The following ANXA6 variants were observed in gnomAD, a reference collection of about 807,000 sequenced individuals.
The protein encoded by ANXA6 is annexin A6.
Under a neutral mutation model 95.4 loss-of-function variants are expected in ANXA6, and 71 were observed. That is an observed-to-expected ratio of 0.74 (90% confidence interval 0.61 to 0.91). ANXA6 has a LOEUF of 0.91. ANXA6 is among the 40% of genes least tolerant of loss of function. The pLI is 0.00. For missense variants in ANXA6, 830 were observed against 876.4 expected, an observed-to-expected ratio of 0.95 and a Z score of 0.67; for synonymous variants, 289 against 315.9, an observed-to-expected ratio of 0.91 and a Z score of 0.90.
Position 151,108,275 on chromosome 5 carries a change from C to T in ANXA6, c.1780+180G>A, listed in dbSNP as rs141115525. ...GTTATTTTCTCACCCTCTCCTGCAG[C>T]CTCGCACAGACCTCATGACATTCCT... On this transcript the variant is annotated intron_variant, in intron 23 of 25. Coordinates refer to ENST00000354546, the MANE Select transcript of ANXA6 (RefSeq NM_001155.5). Among the ~76,000 whole-genome samples, 316 of 152,228 alleles carry T rather than the reference C, an allele frequency of 2.1e-3. 2 individuals carry two copies. Among genetic ancestry groups the T allele is most frequent in the Admixed American group, 2.6e-3 (40 of 15,288 alleles).
chr5:151,141,079 G>T (rs574625073), intron 2 of ANXA6, among the ~76,000 whole-genome samples: 19 of 152,370 alleles, frequency 1.2e-4, no homozygotes, highest in Admixed American at 5.9e-4. Flanking sequence ...GGTCTTTGAG[G>T]GGAAGGAGAG....
chr5:151,105,265 T>G lies in ANXA6; in HGVS notation c.1819A>C (p.Lys607Gln), dbSNP rs745379492. The G allele has an allele frequency of 1.9e-6, 3 of 1,613,986 alleles. No individual in the cohort carries two copies. Among genetic ancestry groups the G allele is most frequent in the South Asian group, 1.1e-5 (1 of 91,086 alleles). The stretch of plus-strand genomic sequence containing the variant: ...CTTACCTTCATGGATTTGTAAAGTT[T>G]GTCGGCAAAGAAGAGAGGCTTGTTC... ...VKNKPLFFAD[K>Q]LYKSMKGAGT... Residue 607 changes from lysine (K) to glutamine (Q), a missense_variant, in exon 24 of 26, where the codon AAA becomes CAA. Physicochemically the swap from Lys to Gln is moderately conservative, Grantham distance 53. Transcript: ENST00000354546.
In ANXA6 at chr5:151,117,855, G is replaced by T. The variant is rs1561570474; in HGVS notation, c.1439-18C>A. 4.4e-6 allele frequency: 7 copies of T among 1,606,440 alleles called. No homozygotes were observed. The highest frequency in any genetic ancestry group is 6.0e-6 in the Non-Finnish European group (7 of 1,173,456). ...GTGATAGTCTGAGGCAGAGAAAGGG[G>T]GTGTGGGTAGCTGCTGGCCAAGAAG... On this transcript the variant is annotated intron_variant, in intron 18 of 25. Coordinates refer to ENST00000354546, the MANE Select transcript of ANXA6 (RefSeq NM_001155.5).
intron 11 of ANXA6, among the ~76,000 whole-genome samples, chr5:151,130,304 A>G (rs1053657057): frequency 4.0e-5 from 6 of 151,498 alleles, no homozygotes; most frequent in Non-Finnish European, 7.4e-5. Flanking sequence ...GCGTGATCAC[A>G]TAGCACTGCG....
At chr5:151,121,436 G>A (rs1765165722) in intron 17 of ANXA6, among the ~76,000 whole-genome samples, 1 of 151,970 alleles carries the variant, frequency 6.6e-6, no homozygotes, top group Non-Finnish European at 1.5e-5. Flanking sequence ...GGGAAGCAAA[G>A]CAGTTCTAGC....
intron 4 of ANXA6, 181 bp from the exon 5 acceptor site, chr5:151,138,972 G>A (rs1314652382): frequency 1.6e-6 from 1 of 612,138 alleles, no homozygotes; most frequent in Non-Finnish European, 2.9e-6. Context: ...AAACAACAGA[G>A]GTCTTACTCC....
rs1765758142 is a variant in ANXA6 at position 151,139,304 on chromosome 5, A to T, written c.204+49T>A. On this transcript the variant is annotated intron_variant, in intron 4 of 25. Transcript: ENST00000354546. ...CCTGAACGAGCACACAGGTGAATGA[A>T]ATCATTCTTCCACCCGCACCCCATG... is the stretch of plus-strand genomic sequence containing the variant. The T allele has an allele frequency of 2.2e-6, 3 of 1,361,584 alleles. No homozygotes were observed. The South Asian group carries it at 3.9e-5, about 18-fold the overall frequency. The allele number at this position is 1,361,584 out of a possible 1,614,324, so 84.3% of individuals were successfully genotyped here. A position where few individuals can be genotyped will look rare whatever the true frequency, so the allele number is the denominator to read the frequency against.
At chr5:151,108,418 A>C in intron 23 of ANXA6, 37 bp downstream of exon 23, 3 of 1,566,876 alleles carry the variant, frequency 1.9e-6, no homozygotes, top group South Asian at 1.1e-5. Flanking sequence ...TCAAGTTCCC[A>C]GTGCCCCCAG....
At chr5:151,117,046 G>GC in intron 20 of ANXA6, 81 bp downstream of exon 20, 1 of 1,339,458 alleles carries the variant, frequency 7.5e-7, no homozygotes, top group Non-Finnish European at 1.0e-6. Context: ...CACAGACAGG[G>GC]CCCGGCGTAG....
chr5:151,133,143 G>A lies in ANXA6; in HGVS notation c.591C>T (p.Ala197=). The A allele has an allele frequency of 6.3e-7, 1 of 1,599,106 alleles. No homozygotes were observed. The highest frequency in any genetic ancestry group is 8.5e-7 in the Non-Finnish European group (1 of 1,172,606). ...GATTTCCCAAGATGTAAATGAACTG[G>A]GCTTCATCTGTTCCCCATTTCAGTT... The part of the protein sequence containing the change: ...AGELKWGTDE[A]QFIYILGNRS... Residue 197 remains alanine, a synonymous_variant, in exon 9 of 26, where the codon GCC becomes GCT. Transcript: ENST00000354546.
rs545945295 is a variant in ANXA6 at position 151,124,351 on chromosome 5, C to T, written c.1073G>A (p.Arg358His). 47 of 1,611,826 alleles carry T rather than the reference C, an allele frequency of 2.9e-5. No individual in the cohort carries two copies. The highest frequency in any genetic ancestry group is 2.8e-4 in the African/African-American group (21 of 74,996). ...VARVELKGTV[R>H]PANDFNPDAD... The stretch of plus-strand genomic sequence containing the variant: ...GTCAGGGTTGAAGTCATTGGCTGGG[C>T]GCACAGTTCCCTTCAGCTGTGAGAA... Residue 358 changes from arginine to histidine, a missense_variant, in exon 15 of 26, where the codon CGC (arginine) becomes CAC (histidine). By Grantham distance (29) the Arg-to-His change is conservative. Transcript: ENST00000354546.
intron 1 of ANXA6, among the ~76,000 whole-genome samples, chr5:151,155,863 C>G (rs1336435948): frequency 1.3e-5 from 2 of 152,198 alleles, no homozygotes; most frequent in African/African-American, 4.8e-5. Flanking sequence ...AGGGCAGGGG[C>G]TGGGTCCGAG....
chr5:151,101,873 C>T (rs114761782), intron 25 of ANXA6, among the ~76,000 whole-genome samples: 187 of 152,306 alleles, frequency 1.2e-3, no homozygotes, highest in Non-Finnish European at 2.1e-3. Flanking sequence ...CCAGCAGGGC[C>T]CTCTCCTCTG....
At chr5:151,117,653 C>G in intron 19 of ANXA6, 105 bp downstream of exon 19, 1 of 944,648 alleles carries the variant, frequency 1.1e-6, no homozygotes. Context: ...CCCTCTCCAT[C>G]AGGAGTGCAC....
In ANXA6 at chr5:151,103,750, G is replaced by A. The variant is rs138498498; in HGVS notation, c.1840-58C>T. On this transcript the variant is annotated intron_variant, in intron 24 of 25. Coordinates refer to ENST00000354546, the MANE Select transcript of ANXA6 (RefSeq NM_001155.5). ...GGAAGGAGAGATAGAGCCCAGTCAG[G>A]CAAGAAACAGTGGTATCCCATCTGC... is the stretch of plus-strand genomic sequence containing the variant. 38 of 1,546,214 alleles carry A rather than the reference G, an allele frequency of 2.5e-5. No homozygotes were observed. The East Asian group carries it at 8.7e-4, about 35-fold the overall frequency.
In ANXA6 at chr5:151,133,221, G is replaced by A. The variant is rs1296679613; in HGVS notation, c.547-34C>T. 5 of 1,481,024 alleles carry A rather than the reference G, an allele frequency of 3.4e-6. No individual in the cohort carries two copies. The South Asian group carries it at 6.0e-5, about 18-fold the overall frequency. The allele number at this position is 1,481,024 out of a possible 1,614,324, so 91.7% of individuals were successfully genotyped here. A position where few individuals can be genotyped will look rare whatever the true frequency, so the allele number is the denominator to read the frequency against. The stretch of plus-strand genomic sequence containing the variant: ...GAAGAGGTGGCACTTGACTGAAAGA[G>A]GAAACCTCAGGAGACAGGACACACT... On this transcript the variant is annotated intron_variant, in intron 8 of 25. Transcript: ENST00000354546.
intron 21 of ANXA6, 105 bp from the exon 22 acceptor site, chr5:151,109,951 T>C: frequency 5.9e-6 from 5 of 854,212 alleles, no homozygotes. Context: ...AGTCAGAAGC[T>C]GGGCTCACCC....
chr5:151,156,728 C>A (rs1482349607), intron 1 of ANXA6, among the ~76,000 whole-genome samples: 1 of 152,182 alleles, frequency 6.6e-6, no homozygotes, highest in East Asian at 1.9e-4. Context: ...CCTGCCCTTT[C>A]CCCTTGTAGG....
chr5:151,111,319 A>T (rs1303845273), intron 20 of ANXA6, among the ~76,000 whole-genome samples: 1 of 152,238 alleles, frequency 6.6e-6, no homozygotes, highest in Non-Finnish European at 1.5e-5. Context: ...CAAAATACCC[A>T]GGCTCATGTA....
Sources: gnomAD v4.1 joint callset for allele counts (sites outside exome capture counted in the v4.1 genomes callset) on GRCh38, gnomAD v4.1.1 for gene constraint, MANE v1.5 for transcripts, NCBI Gene and HGNC (gene_info 2026-07-23, HGNC 2026-07-21) for gene names.